PCSK6: variants seen among roughly 807,000 people sequenced by gnomAD.
The protein encoded by PCSK6 is proprotein convertase subtilisin/kexin type 6.
A neutral mutation model predicts 123.3 loss-of-function variants in PCSK6; 85 were observed. The observed-to-expected ratio is 0.69, with a 90% CI of 0.58 to 0.83. PCSK6 has a LOEUF of 0.83. Among genes scored for constraint, PCSK6 ranks in the 40% least tolerant of loss-of-function variants. The probability of loss-of-function intolerance (pLI) is 0.00; values close to 1 mark genes in which losing one functional copy is unlikely to be tolerated. For missense variants in PCSK6, 1,191 were observed against 1,282.3 expected, an observed-to-expected ratio of 0.93 and a Z score of 1.09; for synonymous variants, 508 against 516.0, an observed-to-expected ratio of 0.98 and a Z score of 0.21.
At chr15:101,387,987 C>A (rs3825909) in intron 9 of PCSK6, among the ~76,000 whole-genome samples, 95,731 of 152,128 alleles carry the variant, frequency 0.63, 31,110 homozygotes, top group Admixed American at 0.73. Flanking sequence ...GAGGAGCTAA[C>A]ATGATGAGGA....
intron 6 of PCSK6, among the ~76,000 whole-genome samples, chr15:101,409,139 T>C (rs997474524): frequency 1.3e-5 from 2 of 152,200 alleles, no homozygotes; most frequent in African/African-American, 4.8e-5. Flanking sequence ...TCAGGGATCC[T>C]GCCCTGTGGA....
chr15:101,313,489 C>G lies in PCSK6; in HGVS notation c.2586G>C (p.Glu862Asp). 1 of 1,604,776 alleles carries G rather than the reference C, an allele frequency of 6.2e-7. No homozygotes were observed. The highest frequency in any genetic ancestry group is 1.1e-5 in the South Asian group (1 of 90,994). The change falls in exon 20 of 22, where the codon GAG becomes GAC. Residue 862 changes from glutamate to aspartate, a missense_variant. Around this residue, in one of 3 missense-constraint regions of PCSK6, gnomAD observed 630 missense variants for 631.4 expected, o/e 1.00. Transcript: ENST00000611716. ...CGTCVGPGREECIHCAKNFHF... is the reference protein window; with the variant it reads ...CGTCVGPGREDCIHCAKNFHF... ...GGAAGTTTTTCGCACAGTGAATGCA[C>G]TCTTCTCTGCCTGGCCCTGAGAGAC...
intron 13 of PCSK6, among the ~76,000 whole-genome samples, chr15:101,351,074 T>C (rs1277640791): frequency 1.3e-5 from 2 of 152,058 alleles, no homozygotes; most frequent in Non-Finnish European, 2.9e-5. Flanking sequence ...CTCACATCTG[T>C]TCTATCTACA....
rs771429012 is a variant in PCSK6, at chr15:101,440,649, G to A, written c.402+2907C>T. 9.9e-5 allele frequency among the ~76,000 whole-genome samples: 15 copies of A among 152,258 alleles called. No homozygotes were observed. In the Middle Eastern group the frequency reaches 0.017, roughly 173 times the overall value. ...GAACACAATGGCAGCCTCGCATTCC[G>A]AAGTCTCTGAATAATATTAAATCAT... On this transcript the variant is annotated intron_variant, in intron 2 of 21. Coordinates refer to ENST00000611716, the MANE Select transcript of PCSK6 (RefSeq NM_002570.5).
At chr15:101,318,890 G>A (rs28469755) in intron 18 of PCSK6, among the ~76,000 whole-genome samples, 70,002 of 152,120 alleles carry the variant, frequency 0.46, 20,031 homozygotes, top group African/African-American at 0.82. Flanking sequence ...TGAAACCTTG[G>A]AACCTTCTGC....
intron 13 of PCSK6, chr15:101,347,169 C>A: frequency 8.1e-7 from 1 of 1,231,716 alleles, no homozygotes; most frequent in East Asian, 3.2e-5. Flanking sequence ...TGAAAGCCGG[C>A]ACAGAAGGCA....
At chr15:101,318,238 C>G in intron 19 of PCSK6, 81 bp downstream of exon 19, 1 of 1,032,466 alleles carries the variant, frequency 9.7e-7, no homozygotes, top group Non-Finnish European at 1.5e-6. Flanking sequence ...CCCACGAAGT[C>G]CTAGGGCTTT....
At chr15:101,462,884 C>G (rs1191054630) in intron 1 of PCSK6, among the ~76,000 whole-genome samples, 1 of 152,114 alleles carries the variant, frequency 6.6e-6, no homozygotes, top group Non-Finnish European at 1.5e-5. Context: ...GTGCTTTCAG[C>G]CCCAGGCACA....
rs867265532 is a variant in PCSK6, at chr15:101,427,963, G to A, written c.752C>T (p.Ala251Val). The A allele has an allele frequency of 1.9e-6, 3 of 1,580,120 alleles. No individual in the cohort carries two copies. Among genetic ancestry groups the A allele is most frequent in the East Asian group, 2.3e-5 (1 of 43,462 alleles). Reference sequence around the variant, plus strand: ...GTTTGCTGAAGCAGCAACTTCTCCCGCACAACGAGTGCCGTGTCTGAAACA... The same window carrying A: ...GTTTGCTGAAGCAGCAACTTCTCCCACACAACGAGTGCCGTGTCTGAAACA... The part of the protein sequence containing the change: ...SNENKHGTRC[A>V]GEVAASANNS... Residue 251 changes from alanine (A) to valine (V), a missense_variant, in exon 6 of 22, where the codon GCG becomes GTG. Coordinates refer to ENST00000611716, the MANE Select transcript of PCSK6 (RefSeq NM_002570.5).
intron 1 of PCSK6, among the ~76,000 whole-genome samples, chr15:101,473,811 G>A (rs1400630673): frequency 1.3e-5 from 2 of 152,324 alleles, no homozygotes; most frequent in East Asian, 3.9e-4. Context: ...GGAGGCAGAG[G>A]TTGCGGTAAG....
intron 4 of PCSK6, among the ~76,000 whole-genome samples, chr15:101,430,873 C>T (rs182600040): frequency 8.5e-5 from 13 of 152,132 alleles, no homozygotes; most frequent in Admixed American, 3.3e-4. Context: ...ATTTTACAGA[C>T]GGTAAAATGT....
Position 101,431,455 on chromosome 15 carries a change from G to A in PCSK6, c.522C>T (p.Gly174=), listed in dbSNP as rs780908321. The change falls in exon 4 of 22, where the codon GGC becomes GGT. Residue 174 remains glycine (G), a synonymous_variant. Coordinates refer to ENST00000611716, the MANE Select transcript of PCSK6 (RefSeq NM_002570.5). ...CCGACCGGCAGCGACTGTTCTTGTC[G>A]CCACAATGCTGTAAGCACGAAAGAC... ...IWSNMWYLHC[G]DKNSRCRSEM... The A allele has an allele frequency of 1.2e-6, 2 of 1,613,408 alleles. No individual in the cohort carries two copies. Among genetic ancestry groups the A allele is most frequent in the Non-Finnish European group, 1.7e-6 (2 of 1,179,778 alleles).
At chr15:101,376,025 C>T (rs1274644755) in intron 11 of PCSK6, among the ~76,000 whole-genome samples, 1 of 152,146 alleles carries the variant, frequency 6.6e-6, no homozygotes, top group Admixed American at 6.5e-5. Flanking sequence ...CAGAGTGAGA[C>T]TCCATCTCAA....
At chr15:101,414,412 C>T (rs1432734911) in intron 6 of PCSK6, among the ~76,000 whole-genome samples, 2 of 152,114 alleles carry the variant, frequency 1.3e-5, no homozygotes, top group East Asian at 1.9e-4. Flanking sequence ...AGACTTTATA[C>T]TTAAGCTCAC....
chr15:101,450,675 A>G (rs2057011129), intron 1 of PCSK6, among the ~76,000 whole-genome samples: 1 of 152,290 alleles, frequency 6.6e-6, no homozygotes, highest in East Asian at 1.9e-4. Context: ...ATCTGTGTCC[A>G]GCTGTCCAGT....
rs569151561 is a variant in PCSK6 at position 101,432,788 on chromosome 15, A to T, written c.403-688T>A. On this transcript the variant is annotated intron_variant, in intron 2 of 21. Coordinates refer to ENST00000611716, the MANE Select transcript of PCSK6 (RefSeq NM_002570.5). ...GAAATACACACATGGGAAAGCAGTGAATGAAGAAAGTGTTTGGTTAACTGG... is the reference window on the plus strand; with the variant it reads ...GAAATACACACATGGGAAAGCAGTGTATGAAGAAAGTGTTTGGTTAACTGG... Among the ~76,000 whole-genome samples the T allele has an allele frequency of 3.9e-5, 6 of 152,364 alleles. No individual in the cohort carries two copies. The South Asian group carries it at 1.2e-3, about 32-fold the overall frequency.
At chr15:101,373,554 A>G (rs1487556943) in intron 11 of PCSK6, among the ~76,000 whole-genome samples, 1 of 152,174 alleles carries the variant, frequency 6.6e-6, no homozygotes, top group Non-Finnish European at 1.5e-5. Flanking sequence ...TTAACCTAAC[A>G]TCCCCAATTA....
chr15:101,465,843 T>A (rs2057447064), intron 1 of PCSK6, among the ~76,000 whole-genome samples: 1 of 152,024 alleles, frequency 6.6e-6, no homozygotes, highest in Non-Finnish European at 1.5e-5. Context: ...ATCGACACAT[T>A]AAGCAAGGAG....
At chr15:101,325,513 C>T (rs1466303204) in intron 16 of PCSK6, among the ~76,000 whole-genome samples, 1 of 152,190 alleles carries the variant, frequency 6.6e-6, no homozygotes, top group Non-Finnish European at 1.5e-5. Context: ...CACGGCCGCA[C>T]CCGTGCCTGA....
Sources: allele counts gnomAD v4.1 joint callset (sites outside exome capture counted in the v4.1 genomes callset), GRCh38; gene constraint gnomAD v4.1.1; regional missense constraint gnomAD v4.1.1; transcripts MANE v1.5; gene names NCBI Gene and HGNC (gene_info 2026-07-23, HGNC 2026-07-21).